The following CCDC174 variants were observed in gnomAD, a reference collection of about 807,000 sequenced individuals.
CCDC174 encodes the protein coiled-coil domain-containing protein 174.
CCDC174 carries 37 observed loss-of-function variants against 57.1 expected under a neutral mutation model. That is an observed-to-expected ratio of 0.65 (90% confidence interval 0.50 to 0.85). The LOEUF (loss-of-function observed/expected upper bound fraction) is 0.85. CCDC174 is among the 40% of genes least tolerant of loss of function. The probability of loss-of-function intolerance (pLI) is 0.00; values close to 1 mark genes in which losing one functional copy is unlikely to be tolerated. For missense variants in CCDC174, 540 were observed against 574.3 expected, an observed-to-expected ratio of 0.94 and a Z score of 0.61; for synonymous variants, 182 against 190.2, an observed-to-expected ratio of 0.96 and a Z score of 0.35.
rs1459979106 is a variant in CCDC174 at position 14,667,084 on chromosome 3, C to G, written c.724+137C>G. 6 of 741,666 alleles carry G rather than the reference C, an allele frequency of 8.1e-6. No individual in the cohort carries two copies. The East Asian group carries it at 1.4e-4, about 17-fold the overall frequency. The allele number at this position is 741,666 out of a possible 1,614,324, so 45.9% of individuals were successfully genotyped here. Reference sequence around the variant, plus strand: ...CTGCTTTGGAAATAGAAAATATCTCCTTTGTTCACTTCATAGCCTTAAAAT... The same window carrying G: ...CTGCTTTGGAAATAGAAAATATCTCGTTTGTTCACTTCATAGCCTTAAAAT... On this transcript the variant is annotated intron_variant, in intron 7 of 10. Coordinates refer to ENST00000383794, the MANE Select transcript of CCDC174 (RefSeq NM_016474.5).
At chr3:14,667,573 C>A in intron 8 of CCDC174, 55 bp downstream of exon 8, 1 of 1,271,744 alleles carries the variant, frequency 7.9e-7, no homozygotes, top group Non-Finnish European at 1.1e-6. Flanking sequence ...TGGTTTCTTG[C>A]TGGACCATAC....
Position 14,671,288 on chromosome 3 carries a change from C to G in CCDC174, c.*94C>G. Reference sequence around the variant, plus strand: ...TTTAGGAACTGAATTGTACCTTTGTCCTGTCCTTTCCCTAGGAGGCACAGA... The same window carrying G: ...TTTAGGAACTGAATTGTACCTTTGTGCTGTCCTTTCCCTAGGAGGCACAGA... On this transcript the variant is annotated 3_prime_UTR_variant, in exon 11 of 11. Coordinates refer to ENST00000383794, the MANE Select transcript of CCDC174 (RefSeq NM_016474.5). The G allele has an allele frequency of 7.8e-7, 1 of 1,283,554 alleles. No individual in the cohort carries two copies. Among genetic ancestry groups the G allele is most frequent in the Non-Finnish European group, 1.1e-6 (1 of 932,070 alleles). 79.5% of individuals were successfully genotyped at this position (1,283,554 alleles called of 1,614,324 possible).
At chr3:14,661,026 T>G (rs1474727681) in intron 4 of CCDC174, among the ~76,000 whole-genome samples, 1 of 152,208 alleles carries the variant, frequency 6.6e-6, no homozygotes, top group Non-Finnish European at 1.5e-5. Flanking sequence ...TGGTGTTCAT[T>G]GGCTTGACAA....
rs1413469899 is a variant in CCDC174 at position 14,658,905 on chromosome 3, A to G, written c.283A>G (p.Lys95Glu). The change falls in exon 4 of 11, where the codon AAA (lysine) becomes GAA (glutamate). Residue 95 changes from lysine to glutamate, a missense_variant. Coordinates refer to ENST00000383794, the MANE Select transcript of CCDC174 (RefSeq NM_016474.5). ...GGAAGAAAAAGCCAAATTATATGAAAAAATGACTAAAGGAGACTTTATAGG... is the reference window on the plus strand; with the variant it reads ...GGAAGAAAAAGCCAAATTATATGAAGAAATGACTAAAGGAGACTTTATAGG... ...KLEEKAKLYE[K>E]MTKGDFIDEE... 1.3e-6 allele frequency: 2 copies of G among 1,530,002 alleles called. No individual in the cohort carries two copies. The highest frequency in any genetic ancestry group is 1.8e-6 in the Non-Finnish European group (2 of 1,117,150). The allele number at this position is 1,530,002 out of a possible 1,614,324, so 94.8% of individuals were successfully genotyped here. A position where few individuals can be genotyped will look rare whatever the true frequency, so the allele number is the denominator to read the frequency against.
At chr3:14,655,996 A>T (rs2030945740) in intron 3 of CCDC174, among the ~76,000 whole-genome samples, 1 of 152,180 alleles carries the variant, frequency 6.6e-6, no homozygotes. Flanking sequence ...TACATAGAAC[A>T]TTCTAATATT....
intron 9 of CCDC174, among the ~76,000 whole-genome samples, chr3:14,669,063 T>C (rs2031431118): frequency 6.6e-6 from 1 of 152,210 alleles, no homozygotes; most frequent in Non-Finnish European, 1.5e-5. Flanking sequence ...ATTTACATCC[T>C]GCTGGCCAGA....
At position 14,671,232 on chromosome 3, in the gene CCDC174, A is replaced by G. The variant is rs75269171; in HGVS notation, c.*38A>G. The G allele has an allele frequency of 9.8e-3, 15,300 of 1,555,786 alleles. 135 individuals carry two copies. Among genetic ancestry groups the G allele is most frequent in the Non-Finnish European group, 0.011 (12,193 of 1,142,372 alleles). ...CGCTGACTTGGGTTTGTACTTTGAC[A>G]GTGCCTTTCTCTCCCAGAGGGAGAA... On this transcript the variant is annotated 3_prime_UTR_variant, in exon 11 of 11. Coordinates refer to ENST00000383794, the MANE Select transcript of CCDC174 (RefSeq NM_016474.5).
rs765302568 is a variant in CCDC174 at position 14,654,411 on chromosome 3, C to T, written c.43-15C>T. On this transcript the variant is annotated splice_polypyrimidine_tract_variant and intron_variant, in intron 1 of 10. Coordinates refer to ENST00000383794, the MANE Select transcript of CCDC174 (RefSeq NM_016474.5). ...GGAATTTAATATTTTTGTTTACTTA[C>T]TGCTTTCATTCTAGTTGGTAGATCT... is the stretch of plus-strand genomic sequence containing the variant. 14 of 1,389,960 alleles carry T rather than the reference C, an allele frequency of 1.0e-5. No individual in the cohort carries two copies. In the East Asian group the frequency reaches 3.0e-4, roughly 30 times the overall value. The allele number at this position is 1,389,960 out of a possible 1,614,324, so 86.1% of individuals were successfully genotyped here. A position where few individuals can be genotyped will look rare whatever the true frequency, so the allele number is the denominator to read the frequency against.
intron 3 of CCDC174, among the ~76,000 whole-genome samples, chr3:14,657,009 C>G (rs1475991608): frequency 6.6e-6 from 1 of 152,176 alleles, no homozygotes; most frequent in Non-Finnish European, 1.5e-5. Flanking sequence ...TGACCTGTCC[C>G]CAACAGACCT....
chr3:14,667,996 A>G, intron 8 of CCDC174, 53 bp from the exon 9 acceptor site: 1 of 1,534,460 alleles, frequency 6.5e-7, no homozygotes. Flanking sequence ...CTTTTTGGAC[A>G]GGAATATTGC....
At chr3:14,652,671 G>GC (rs1445590260) in intron 1 of CCDC174, among the ~76,000 whole-genome samples, 8 of 152,150 alleles carry the variant, frequency 5.3e-5, no homozygotes, top group Admixed American at 2.6e-4. Context: ...GGAGGCTGAG[G>GC]CGGGCAGATC....
chr3:14,657,364 T>C (rs1359739364), intron 3 of CCDC174, among the ~76,000 whole-genome samples: 1 of 152,218 alleles, frequency 6.6e-6, no homozygotes, highest in African/African-American at 2.4e-5. Flanking sequence ...GGTTAATACT[T>C]AGGTTATGAA....
chr3:14,657,884 A>G (rs920990184), intron 3 of CCDC174, among the ~76,000 whole-genome samples: 1 of 152,058 alleles, frequency 6.6e-6, no homozygotes, highest in Admixed American at 6.6e-5. Context: ...TGTCCTGCCC[A>G]CTCACTCTAA....
chr3:14,657,868 A>G (rs1407117577), intron 3 of CCDC174, among the ~76,000 whole-genome samples: 1 of 152,180 alleles, frequency 6.6e-6, no homozygotes, highest in Non-Finnish European at 1.5e-5. Flanking sequence ...GCCCTCTCTC[A>G]GTTAGTGTCC....
intron 4 of CCDC174, among the ~76,000 whole-genome samples, chr3:14,659,446 G>A (rs558799539): frequency 6.6e-6 from 1 of 152,206 alleles, no homozygotes; most frequent in Non-Finnish European, 1.5e-5. Context: ...CAGCACTTTG[G>A]GAGGCCAAGG....
intron 2 of CCDC174, 117 bp from the exon 3 acceptor site, chr3:14,655,412 A>G: frequency 1.7e-6 from 1 of 596,280 alleles, no homozygotes; most frequent in East Asian, 2.8e-5. Context: ...TTATCTAGTT[A>G]TCTCCATTGA....
intron 3 of CCDC174, among the ~76,000 whole-genome samples, chr3:14,657,275 T>C (rs2030989818): frequency 6.6e-6 from 1 of 152,230 alleles, no homozygotes; most frequent in Non-Finnish European, 1.5e-5. Context: ...GCAAGCACAG[T>C]CCCAGGCTTT....
Position 14,667,404 on chromosome 3 carries a change from G to A in CCDC174, c.725-20G>A, listed in dbSNP as rs1233456743. ...TGATCAGGACAGTCTGATCTTTTGG[G>A]TAATTCATACTTCTTTCAGAGGCCC... On this transcript the variant is annotated intron_variant, in intron 7 of 10. Transcript: ENST00000383794. 4 of 1,595,838 alleles carry A rather than the reference G, an allele frequency of 2.5e-6. No individual in the cohort carries two copies. In the East Asian group the frequency reaches 8.9e-5, roughly 36 times the overall value.
intron 5 of CCDC174, among the ~76,000 whole-genome samples, chr3:14,663,317 A>C (rs1279953635): frequency 6.6e-6 from 1 of 152,130 alleles, no homozygotes; most frequent in African/African-American, 2.4e-5. Context: ...TATCATTTCT[A>C]ATGTCTAAGT....
Sources: gnomAD v4.1 joint callset for allele counts (sites outside exome capture counted in the v4.1 genomes callset) on GRCh38, gnomAD v4.1.1 for gene constraint, MANE v1.5 for transcripts, NCBI Gene and HGNC (gene_info 2026-07-23, HGNC 2026-07-21) for gene names.